Variants in NADK2 observed in about 807,000 individuals in gnomAD.
The protein encoded by NADK2 is NAD kinase domain-containing protein 1, mitochondrial.
NADK2 carries 35 observed loss-of-function variants against 62.1 expected under a neutral mutation model. The observed-to-expected ratio is 0.56, with a 90% CI of 0.43 to 0.75. NADK2 has a LOEUF of 0.75. Among genes scored for constraint, NADK2 ranks in the 30% least tolerant of loss-of-function variants. The probability of loss-of-function intolerance (pLI) is 0.00; values close to 1 mark genes in which losing one functional copy is unlikely to be tolerated. For missense variants in NADK2, 439 were observed against 561.3 expected (o/e 0.78, Z 2.20); for synonymous variants, 205 against 207.9 (o/e 0.99, Z 0.12).
intron 11 of NADK2, among the ~76,000 whole-genome samples, chr5:36,197,291 T>A (rs1272952084): frequency 6.6e-6 from 1 of 152,048 alleles, no homozygotes; most frequent in Non-Finnish European, 1.5e-5. Context: ...AACAAATCAC[T>A]GAAATAAATA....
intron 1 of NADK2, among the ~76,000 whole-genome samples, chr5:36,232,256 CAAT>C (rs1410340175): frequency 6.6e-6 from 1 of 152,082 alleles, no homozygotes; most frequent in Non-Finnish European, 1.5e-5. Context: ...AAATTTATTG[CAAT>C]TACAAATTTT....
At chr5:36,222,490 A>G (rs1197017756) in intron 4 of NADK2, among the ~76,000 whole-genome samples, 1 of 152,240 alleles carries the variant, frequency 6.6e-6, no homozygotes, top group African/African-American at 2.4e-5. Flanking sequence ...TTTAAGCTAA[A>G]GAATGTGTCA....
chr5:36,210,134 A>G (rs1342317921), intron 7 of NADK2, among the ~76,000 whole-genome samples: 1 of 152,174 alleles, frequency 6.6e-6, no homozygotes, highest in Non-Finnish European at 1.5e-5. Flanking sequence ...GGCCACTCAC[A>G]TGGTTCTAGT....
intron 4 of NADK2, 93 bp downstream of exon 4, chr5:36,225,449 C>A: frequency 3.3e-6 from 3 of 903,240 alleles, no homozygotes; most frequent in South Asian, 3.4e-5. Flanking sequence ...AGATACTATG[C>A]AATCAAAGCA....
At chr5:36,225,481 TA>T (rs201840684) in intron 4 of NADK2, 60 bp downstream of exon 4, 185 of 1,340,112 alleles carry the variant, frequency 1.4e-4, no homozygotes, top group Admixed American at 2.1e-4. Flanking sequence ...ATGTATAACC[TA>T]AAAAAAAACT....
intron 11 of NADK2, 47 bp downstream of exon 11, chr5:36,197,479 AAGTGGGCTTTGTAAC>A (rs1746271519): frequency 6.3e-7 from 1 of 1,599,898 alleles, no homozygotes; most frequent in Non-Finnish European, 8.5e-7. Context: ...TTTTCAAACC[AAGTGGGCTTTGTAAC>A]AATGAAAGGG....
chr5:36,223,189 A>G (rs971019806), intron 4 of NADK2, among the ~76,000 whole-genome samples: 1 of 152,164 alleles, frequency 6.6e-6, no homozygotes, highest in Non-Finnish European at 1.5e-5. Context: ...CATAGTAAAA[A>G]GGTAGATTTT....
rs374677461 is a variant in NADK2 at position 36,198,715 on chromosome 5, CTATAT to C, written c.1067-1056_1067-1052del. 8.6e-3 allele frequency among the ~76,000 whole-genome samples: 1,293 copies of C among 150,624 alleles called. 11 individuals are homozygous for C. The highest frequency in any genetic ancestry group is 0.012 in the Non-Finnish European group (804 of 67,696). On this transcript the variant is annotated intron_variant, in intron 10 of 11. Transcript: ENST00000381937. ...GAATTATATAATTAAGAAGCAATTACTATATATACCTAACTTTCCTTTGATACAGA... is the reference window on the plus strand; with the variant it reads ...GAATTATATAATTAAGAAGCAATTACATACCTAACTTTCCTTTGATACAGA...
Position 36,227,510 on chromosome 5 carries a change from G to T in NADK2, c.356C>A (p.Thr119Asn). The T allele has an allele frequency of 6.4e-7, 1 of 1,553,452 alleles. No individual in the cohort carries two copies. Among genetic ancestry groups the T allele is most frequent in the Admixed American group, 2.0e-5 (1 of 50,844 alleles). The change falls in exon 2 of 12, where the codon ACC becomes AAC. Residue 119 changes from threonine to asparagine, a missense_variant. By Grantham distance (65) the Thr-to-Asn change is moderately conservative. Coordinates refer to ENST00000381937, the MANE Select transcript of NADK2 (RefSeq NM_001085411.3). Reference sequence around the variant, plus strand: ...ATCTATAATATGTTCTACATTTTTGGTGTGAATATGATGTCGTTCAAGAAG... The same window carrying T: ...ATCTATAATATGTTCTACATTTTTGTTGTGAATATGATGTCGTTCAAGAAG... ...SGLLERHHIHTKNVEHIIDSL... is the reference protein window; with the variant it reads ...SGLLERHHIHNKNVEHIIDSL...
intron 4 of NADK2, chr5:36,221,349 G>A (rs1384111965): frequency 6.6e-6 from 1 of 152,314 alleles, no homozygotes; most frequent in Non-Finnish European, 1.5e-5. Flanking sequence ...TTATCCTCAG[G>A]AGAGATCTCA....
chr5:36,211,961 C>A (rs1241330366), intron 6 of NADK2, 39 bp from the exon 7 acceptor site: 1 of 1,446,256 alleles, frequency 6.9e-7, no homozygotes, highest in Non-Finnish European at 9.5e-7. Context: ...CAAGATAGCT[C>A]CTTGATTTCT....
intron 1 of NADK2, among the ~76,000 whole-genome samples, chr5:36,227,856 T>A (rs1260204080): frequency 6.6e-6 from 1 of 151,102 alleles, no homozygotes; most frequent in Non-Finnish European, 1.5e-5. Flanking sequence ...ACTTTTTTTT[T>A]TTTTTTGAGA....
chr5:36,231,682 G>T (rs899888691), intron 1 of NADK2, among the ~76,000 whole-genome samples: 3 of 152,074 alleles, frequency 2.0e-5, no homozygotes, highest in Non-Finnish European at 2.9e-5. Flanking sequence ...TGTTTAAAAG[G>T]CATATGCAAA....
Position 36,194,987 on chromosome 5 carries a change from T to C in NADK2, c.*157A>G. On this transcript the variant is annotated 3_prime_UTR_variant, in exon 12 of 12. Transcript: ENST00000381937. ...CTTATACAGTGAATGTCTTTTTTTC[T>C]ATCAGAATCCAACAGAAGAATAATG... The C allele has an allele frequency of 1.4e-6, 1 of 697,566 alleles. No individual in the cohort carries two copies. The highest frequency in any genetic ancestry group is 2.2e-6 in the Non-Finnish European group (1 of 447,562). 43.2% of individuals were successfully genotyped at this position (697,566 alleles called of 1,614,324 possible). A position where few individuals can be genotyped will look rare whatever the true frequency, so the allele number is the denominator to read the frequency against.
rs574564310 is a variant in NADK2 at position 36,194,031 on chromosome 5, C to T, written c.*1113G>A. On this transcript the variant is annotated 3_prime_UTR_variant, in exon 12 of 12. Coordinates refer to ENST00000381937, the MANE Select transcript of NADK2 (RefSeq NM_001085411.3). ...GAATACCAACTGTTTGATTATGCAACGACAGGATCTTTTGGCAAAAATTCT... is the reference window on the plus strand; with the variant it reads ...GAATACCAACTGTTTGATTATGCAATGACAGGATCTTTTGGCAAAAATTCT... 5.9e-5 allele frequency: 9 copies of T among 152,156 alleles called. No individual in the cohort carries two copies. The highest frequency in any genetic ancestry group is 2.1e-4 in the South Asian group (1 of 4,818). The allele number at this position is 152,156 out of a possible 1,614,324, so 9.4% of individuals were successfully genotyped here. A position where few individuals can be genotyped will look rare whatever the true frequency, so the allele number is the denominator to read the frequency against.
intron 4 of NADK2, among the ~76,000 whole-genome samples, chr5:36,223,805 G>A (rs577848213): frequency 6.6e-6 from 1 of 152,174 alleles, no homozygotes; most frequent in South Asian, 2.1e-4. Flanking sequence ...ATAAGTGGAA[G>A]GAAAAGAGAT....
At chr5:36,222,590 C>T (rs1053187021) in intron 4 of NADK2, among the ~76,000 whole-genome samples, 18 of 152,148 alleles carry the variant, frequency 1.2e-4, no homozygotes, top group African/African-American at 4.3e-4. Context: ...AAGGAATTTA[C>T]AATGTATCCT....
chr5:36,241,237 C>A lies in NADK2; in HGVS notation c.300+262G>T, dbSNP rs902614815. 1 of 505,966 alleles carries A rather than the reference C, an allele frequency of 2.0e-6. No homozygotes were observed. The highest frequency in any genetic ancestry group is 2.9e-6 in the Non-Finnish European group (1 of 340,654). The allele number at this position is 505,966 out of a possible 1,614,324, so 31.3% of individuals were successfully genotyped here. ...CAGCCCCTCTTCGCCCTCCCCGCGG[C>A]GCCCCTGCCTCCTAAGTCCCTGCAT... is the stretch of plus-strand genomic sequence containing the variant. On this transcript the variant is annotated intron_variant, in intron 1 of 11. Transcript: ENST00000381937. This position sits in a 1 kb window ranked among gnomAD's most constrained non-coding sequence, Gnocchi z 4.9.
chr5:36,241,929 G>A (rs1318824385), upstream of NADK2: 13 of 761,450 alleles, frequency 1.7e-5, no homozygotes, highest in South Asian at 4.0e-4. This position sits in a 1 kb window ranked among gnomAD's most constrained non-coding sequence, Gnocchi z 4.9. Context: ...TAAGTGCCAG[G>A]ACGTGCGTGG....
Sources: allele counts gnomAD v4.1 joint callset (sites outside exome capture counted in the v4.1 genomes callset), GRCh38; gene constraint gnomAD v4.1.1; non-coding constraint Gnocchi (gnomAD v3.1); transcripts MANE v1.5; gene names NCBI Gene and HGNC (gene_info 2026-07-23, HGNC 2026-07-21).